The following PCDH9 variants were observed in gnomAD, a reference collection of about 807,000 sequenced individuals.
PCDH9 encodes the protein protocadherin-9.
PCDH9 carries 24 observed loss-of-function variants against 70.6 expected under a neutral mutation model. That is an observed-to-expected ratio of 0.34 (90% CI 0.25 to 0.48). PCDH9 has a LOEUF of 0.48. Among genes scored for constraint, PCDH9 ranks in the 20% least tolerant of loss-of-function variants. The pLI is 0.99. For synonymous variants in PCDH9, 562 were observed against 558.5 expected, an observed-to-expected ratio of 1.01 and a Z score of -0.09; for missense variants, 1,281 against 1,503.6, an observed-to-expected ratio of 0.85 and a Z score of 2.45.
intron 3 of PCDH9, among the ~76,000 whole-genome samples, chr13:66,730,681 C>CTT (rs200246747): frequency 2.8e-4 from 39 of 138,284 alleles, no homozygotes; most frequent in South Asian, 6.9e-4. Context: ...TATATATTTC[C>CTT]TTTTTTTTTT....
intron 3 of PCDH9, among the ~76,000 whole-genome samples, chr13:66,746,786 G>C (rs900474269): frequency 6.6e-6 from 1 of 151,976 alleles, no homozygotes; most frequent in Non-Finnish European, 1.5e-5. Flanking sequence ...ACCAGAACAA[G>C]ATTAAATTTT....
At chr13:67,120,989 T>C (rs567675408) in intron 2 of PCDH9, among the ~76,000 whole-genome samples, 17 of 151,364 alleles carry the variant, frequency 1.1e-4, no homozygotes, top group African/African-American at 4.1e-4. Context: ...GTTAACACAA[T>C]CTATCTACTT....
At chr13:66,468,939 A>G (rs1958565131) in intron 4 of PCDH9, among the ~76,000 whole-genome samples, 1 of 152,148 alleles carries the variant, frequency 6.6e-6, no homozygotes. Context: ...AAATTTGGCC[A>G]AAATATATTC....
intron 2 of PCDH9, among the ~76,000 whole-genome samples, chr13:67,111,216 A>C (rs984163416): frequency 1.3e-5 from 2 of 152,250 alleles, no homozygotes; most frequent in Non-Finnish European, 2.9e-5. Context: ...CATAAAGATC[A>C]AATTAAGTAC....
At chr13:66,916,579 T>C (rs1207284388) in intron 2 of PCDH9, among the ~76,000 whole-genome samples, 1 of 151,538 alleles carries the variant, frequency 6.6e-6, no homozygotes, top group African/African-American at 2.4e-5. Context: ...TCTAATAAAA[T>C]GTATGTGAAT....
intron 4 of PCDH9, among the ~76,000 whole-genome samples, chr13:66,581,303 G>T (rs2076888641): frequency 6.6e-6 from 1 of 152,068 alleles, no homozygotes; most frequent in Non-Finnish European, 1.5e-5. Context: ...TCATTCTATG[G>T]ATGAGCTAAA....
intron 2 of PCDH9, among the ~76,000 whole-genome samples, chr13:67,168,846 T>C (rs2088197823): frequency 6.6e-6 from 1 of 152,220 alleles, no homozygotes; most frequent in Admixed American, 6.5e-5. Context: ...TCTTTAAACA[T>C]TTTAAATCCC....
chr13:66,623,180 C>G (rs1399120089), intron 4 of PCDH9, among the ~76,000 whole-genome samples: 1 of 152,232 alleles, frequency 6.6e-6, no homozygotes, highest in Non-Finnish European at 1.5e-5. Context: ...AGACCAACAA[C>G]CCACCAATTC....
chr13:66,477,334 T>A (rs1958750145), intron 4 of PCDH9, among the ~76,000 whole-genome samples: 1 of 152,158 alleles, frequency 6.6e-6, no homozygotes, highest in Non-Finnish European at 1.5e-5. Context: ...ACGATTATTG[T>A]GAAGACTAAA....
intron 4 of PCDH9, among the ~76,000 whole-genome samples, chr13:66,371,996 A>G (rs1351352561): frequency 6.6e-6 from 1 of 152,002 alleles, no homozygotes; most frequent in Non-Finnish European, 1.5e-5. Flanking sequence ...ATATGAAGCT[A>G]TCACCATCTT....
At chr13:66,541,056 A>T (rs1960933397) in intron 4 of PCDH9, among the ~76,000 whole-genome samples, 1 of 152,164 alleles carries the variant, frequency 6.6e-6, no homozygotes, top group African/African-American at 2.4e-5. Context: ...GTAGAATTCA[A>T]TTCAAGTCAA....
chr13:67,030,500 A>AAC (rs2084883776), intron 2 of PCDH9, among the ~76,000 whole-genome samples: 1 of 142,944 alleles, frequency 7.0e-6, no homozygotes, highest in Admixed American at 7.1e-5. Flanking sequence ...GACCCCCACC[A>AAC]ACACACACAC....
chr13:66,923,914 C>A (rs992512616), intron 2 of PCDH9, among the ~76,000 whole-genome samples: 2 of 151,716 alleles, frequency 1.3e-5, no homozygotes, highest in Non-Finnish European at 2.9e-5. Context: ...CAGTACTTAT[C>A]ATACTAATGA....
intron 2 of PCDH9, among the ~76,000 whole-genome samples, chr13:67,073,409 C>T (rs2085806903): frequency 6.6e-6 from 1 of 151,852 alleles, no homozygotes; most frequent in African/African-American, 2.4e-5. Context: ...TTAAAACATA[C>T]CTGAAAGTAA....
At chr13:67,208,484 A>G (rs2138074609) in intron 2 of PCDH9, 1 of 152,194 alleles carries the variant, frequency 6.6e-6, no homozygotes, top group Non-Finnish European at 1.5e-5. Context: ...TTTTTCCTAT[A>G]TGTGCAAAAT....
intron 2 of PCDH9, among the ~76,000 whole-genome samples, chr13:67,059,890 T>TTC (rs1286650214): frequency 6.6e-6 from 1 of 150,922 alleles, no homozygotes; most frequent in Non-Finnish European, 1.5e-5. Flanking sequence ...TTGTTGTTTT[T>TTC]TTTTTTTCTG....
intron 3 of PCDH9, among the ~76,000 whole-genome samples, chr13:66,846,346 A>G (rs893038310): frequency 6.6e-6 from 1 of 152,174 alleles, no homozygotes; most frequent in Non-Finnish European, 1.5e-5. Context: ...ATTAGTTAAC[A>G]TATTTTGTTA....
intron 4 of PCDH9, among the ~76,000 whole-genome samples, chr13:66,624,884 A>G (rs2077477867): frequency 6.6e-6 from 1 of 152,234 alleles, no homozygotes; most frequent in African/African-American, 2.4e-5. Context: ...TATTTCATAT[A>G]TTGATTCCGA....
chr13:67,180,413 A>G (rs956231902), intron 2 of PCDH9, among the ~76,000 whole-genome samples: 2 of 152,074 alleles, frequency 1.3e-5, no homozygotes, highest in African/African-American at 4.8e-5. Context: ...CTGCCAGTGA[A>G]GCTCACTGTT....
Sources: gnomAD v4.1 joint callset for allele counts (sites outside exome capture counted in the v4.1 genomes callset) on GRCh38, gnomAD v4.1.1 for gene constraint, MANE v1.5 for transcripts, NCBI Gene and HGNC (gene_info 2026-07-23, HGNC 2026-07-21) for gene names.